GPR84: variants seen among roughly 807,000 people sequenced by gnomAD.
GPR84 encodes G protein-coupled receptor 84.
In GPR84, 8 loss-of-function variants were observed where a neutral mutation model predicts 14.9. The ratio of observed to expected loss-of-function variants is 0.54; its 90% confidence interval spans 0.31 to 0.97. GPR84 has a LOEUF of 0.97. Ranked by LOEUF, GPR84 falls within the 50% of genes least tolerant of loss-of-function variation. The pLI, the probability that GPR84 is intolerant of heterozygous loss-of-function variation, is 0.04. For synonymous variants in GPR84, 164 were observed against 198.1 expected (o/e 0.83, Z 1.45); for missense variants, 424 against 498.7 (o/e 0.85, Z 1.43).
At chr12:54,357,043 G>C in the GPR84 span, among the ~76,000 whole-genome samples, 1 of 152,132 alleles carries the variant, frequency 6.6e-6, no homozygotes, top group Non-Finnish European at 1.5e-5. Flanking sequence ...GTTTGGAGAG[G>C]GGGTGAGCAT....
At chr12:54,352,174 TG>T in the GPR84 span, among the ~76,000 whole-genome samples, 1 of 152,266 alleles carries the variant, frequency 6.6e-6, no homozygotes, top group African/African-American at 2.4e-5. Flanking sequence ...CGCACCTGCG[TG>T]GGGGCTCTTC....
the GPR84 span, chr12:54,351,993 G>C: frequency 6.6e-6 from 1 of 151,604 alleles, no homozygotes; most frequent in Non-Finnish European, 1.5e-5. Flanking sequence ...CCTAATTTAC[G>C]GGGCTGTTTG....
chr12:54,358,905 C>T (rs565480072), downstream of GPR84, among the ~76,000 whole-genome samples: 9 of 152,092 alleles, frequency 5.9e-5, no homozygotes, highest in Non-Finnish European at 7.4e-5. Flanking sequence ...TCAGTCTCCT[C>T]TGCTCTCCCT....
Position 54,363,068 on chromosome 12 carries a change from C to T in GPR84, c.784G>A (p.Ala262Thr). The T allele has an allele frequency of 6.2e-7, 1 of 1,614,232 alleles. No homozygotes were observed. Among genetic ancestry groups the T allele is most frequent in the South Asian group, 1.1e-5 (1 of 91,090 alleles). Residue 262 changes from alanine (A) to threonine (T), a missense_variant, in exon 2 of 2, where the codon GCC becomes ACC. Ala to Thr is a moderately conservative substitution (Grantham distance 58). Transcript: ENST00000267015. ...TCCCCTTCCAGGGTCTGGGTGGTGG[C>T]AGCACTGACTGGCTCAGATGAAATC... is the stretch of plus-strand genomic sequence containing the variant. Reference protein sequence around the residue: ...EGISSEPVSAATTQTLEGDSS... With the variant: ...EGISSEPVSATTTQTLEGDSS...
downstream of GPR84, among the ~76,000 whole-genome samples, chr12:54,361,464 G>A (rs780334190): frequency 1.3e-5 from 2 of 152,094 alleles, no homozygotes; most frequent in African/African-American, 2.4e-5. The surrounding 1 kb of genome is among the most constrained non-coding windows in gnomAD (Gnocchi z 4.3). Context: ...TCCACCTCCC[G>A]GGTTCAAGCG....
At chr12:54,363,912 C>T in intron 1 of GPR84, 53 bp from the exon 2 acceptor site, 1 of 1,218,302 alleles carries the variant, frequency 8.2e-7, no homozygotes, top group Non-Finnish European at 1.1e-6. Context: ...TAGCATTCAA[C>T]TTAGATCTCT....
downstream of GPR84, among the ~76,000 whole-genome samples, chr12:54,359,576 C>T (rs1954248378): frequency 6.6e-6 from 1 of 152,130 alleles, no homozygotes. Context: ...GTCAGAAAGT[C>T]AGGGATAGAG....
the GPR84 span, among the ~76,000 whole-genome samples, chr12:54,356,367 G>A: frequency 1.3e-5 from 2 of 152,212 alleles, no homozygotes; most frequent in African/African-American, 4.8e-5. Flanking sequence ...GTCCTTTACA[G>A]TAAATACACT....
Position 54,362,637 on chromosome 12 carries a change from A to G in GPR84, c.*24T>C. 6.6e-7 allele frequency: 1 copy of G among 1,505,330 alleles called. No individual in the cohort carries two copies. The highest frequency in any genetic ancestry group is 9.1e-7 in the Non-Finnish European group (1 of 1,098,024). The allele number at this position is 1,505,330 out of a possible 1,614,324, so 93.2% of individuals were successfully genotyped here. The stretch of plus-strand genomic sequence containing the variant: ...TTGGTCCTGGAGGAGACAGTCCTGA[A>G]TTCTGGTGACTAGGGTCACAGTTCT... On this transcript the variant is annotated 3_prime_UTR_variant, in exon 2 of 2. Transcript: ENST00000267015. The surrounding 1 kb of genome is among the most constrained non-coding windows in gnomAD (Gnocchi z 4.0).
rs1307971456 is a variant in GPR84, at chr12:54,363,259, T to C, written c.593A>G (p.Tyr198Cys). Residue 198 changes from tyrosine to cysteine, a missense_variant, in exon 2 of 2, where the codon TAT (tyrosine) becomes TGT (cysteine). Coordinates refer to ENST00000267015, the MANE Select transcript of GPR84 (RefSeq NM_020370.3). ...TTTGACCTGGCGGTGGATGAGGCAATAGAAGATGCCAACACTGCTGAGCCC... is the reference window on the plus strand; with the variant it reads ...TTTGACCTGGCGGTGGATGAGGCAACAGAAGATGCCAACACTGCTGAGCCC... Reference protein sequence around the residue: ...VLGLSSVGIFYCLIHRQVKRA... With the variant: ...VLGLSSVGIFCCLIHRQVKRA... The C allele has an allele frequency of 6.2e-7, 1 of 1,614,056 alleles. No individual in the cohort carries two copies. The highest frequency in any genetic ancestry group is 1.7e-5 in the Admixed American group (1 of 60,020).
chr12:54,355,689 C>A, the GPR84 span, among the ~76,000 whole-genome samples: 5 of 152,166 alleles, frequency 3.3e-5, no homozygotes, highest in African/African-American at 1.2e-4. Flanking sequence ...ACTGACCCCT[C>A]CCCCAGCTCT....
chr12:54,361,520 G>A (rs1440253259), downstream of GPR84, among the ~76,000 whole-genome samples: 5 of 152,088 alleles, frequency 3.3e-5, no homozygotes, highest in African/African-American at 7.2e-5. The surrounding 1 kb of genome is among the most constrained non-coding windows in gnomAD (Gnocchi z 4.3). Context: ...ACAGGCATGC[G>A]CCACCATGCC....
At chr12:54,360,673 C>A (rs1954259529), downstream of GPR84, among the ~76,000 whole-genome samples, 1 of 152,148 alleles carries the variant, frequency 6.6e-6, no homozygotes, top group Non-Finnish European at 1.5e-5. Context: ...CTGTCCACCC[C>A]AACTGTGGTT....
At chr12:54,355,703 C>T in the GPR84 span, among the ~76,000 whole-genome samples, 1 of 152,100 alleles carries the variant, frequency 6.6e-6, no homozygotes, top group East Asian at 1.9e-4. Flanking sequence ...CAGCTCTGAC[C>T]CCCAGCCTGC....
chr12:54,363,563 C>A lies in GPR84; in HGVS notation c.289G>T (p.Gly97Trp). Residue 97 changes from glycine to tryptophan, a missense_variant, in exon 2 of 2, where the codon GGG becomes TGG. Coordinates refer to ENST00000267015, the MANE Select transcript of GPR84 (RefSeq NM_020370.3). ...GAATTGGAGGCAAAAAGGAGGAGCC[C>A]AAATACCCTGCAGAAGGTGGCACCG... ...RTGATFCRVF[G>W]LLLFASNSVS... The A allele has an allele frequency of 6.2e-7, 1 of 1,614,018 alleles. No individual in the cohort carries two copies. Among genetic ancestry groups the A allele is most frequent in the Non-Finnish European group, 8.5e-7 (1 of 1,179,984 alleles).
chr12:54,359,502 T>G, downstream of GPR84, among the ~76,000 whole-genome samples: 1 of 151,380 alleles, frequency 6.6e-6, no homozygotes, highest in Non-Finnish European at 1.5e-5. Flanking sequence ...GTACAGGAGA[T>G]GAAGACAGCC....
chr12:54,350,888 G>T, the GPR84 span: 1 of 264,266 alleles, frequency 3.8e-6, no homozygotes, highest in Non-Finnish European at 7.5e-6. Flanking sequence ...TGTGCTGAGT[G>T]TTTTCCTCCC....
At chr12:54,358,313 C>T (rs1036115977), downstream of GPR84, among the ~76,000 whole-genome samples, 1 of 152,068 alleles carries the variant, frequency 6.6e-6, no homozygotes, top group African/African-American at 2.4e-5. Flanking sequence ...CCCTTGCAGA[C>T]GCCAATGGGT....
the GPR84 span, among the ~76,000 whole-genome samples, chr12:54,355,017 T>G: frequency 5.3e-5 from 8 of 151,162 alleles, no homozygotes; most frequent in African/African-American, 1.7e-4. Context: ...GGCTGAAGAG[T>G]GGCAGAAACA....
Sources: allele counts gnomAD v4.1 joint callset (sites outside exome capture counted in the v4.1 genomes callset), GRCh38; gene constraint gnomAD v4.1.1; non-coding constraint Gnocchi (gnomAD v3.1); transcripts MANE v1.5; gene names NCBI Gene and HGNC (gene_info 2026-07-23, HGNC 2026-07-21).